Variants in RFX3 observed in about 807,000 individuals in gnomAD.
The protein encoded by RFX3 is regulatory factor X3.
A neutral mutation model predicts 98.6 loss-of-function variants in RFX3; 14 were observed. The observed-to-expected ratio is 0.14, with a 90% CI of 0.09 to 0.22. RFX3 has a LOEUF of 0.22. Ranked by LOEUF, RFX3 falls within the 10% of genes least tolerant of loss-of-function variation. RFX3 has a pLI of 1.00. For synonymous variants in RFX3, 383 were observed against 328.4 expected (o/e 1.17, Z -1.80); for missense variants, 639 against 926.9 (o/e 0.69, Z 4.03).
At chr9:3,449,344 G>A (rs1007807553) in intron 1 of RFX3, among the ~76,000 whole-genome samples, 2 of 152,124 alleles carry the variant, frequency 1.3e-5, no homozygotes, top group Non-Finnish European at 2.9e-5. Context: ...TCATCCCAGA[G>A]CTCTTGGAGC....
At chr9:3,430,858 T>C (rs1450592031) in intron 1 of RFX3, among the ~76,000 whole-genome samples, 2 of 152,152 alleles carry the variant, frequency 1.3e-5, no homozygotes, top group African/African-American at 2.4e-5. Context: ...TGAAGGTATG[T>C]CATGATGCAT....
chr9:3,378,377 A>C (rs78711187), intron 2 of RFX3, among the ~76,000 whole-genome samples: 6,411 of 152,176 alleles, frequency 0.042, 472 homozygotes, highest in African/African-American at 0.15. Context: ...TAATCCATTA[A>C]TCCACCTTGC....
At chr9:3,329,578 T>C (rs1832354067) in intron 4 of RFX3, among the ~76,000 whole-genome samples, 1 of 152,160 alleles carries the variant, frequency 6.6e-6, no homozygotes, top group Admixed American at 6.5e-5. Context: ...TAATGCTTTC[T>C]AAAGTATCTC....
chr9:3,405,673 T>A (rs1256250397), intron 1 of RFX3, among the ~76,000 whole-genome samples: 1 of 152,184 alleles, frequency 6.6e-6, no homozygotes, highest in Non-Finnish European at 1.5e-5. Flanking sequence ...TTTCTTTTTT[T>A]CTCTCATCTT....
chr9:3,431,947 A>G (rs979810110), intron 1 of RFX3, among the ~76,000 whole-genome samples: 2 of 152,160 alleles, frequency 1.3e-5, no homozygotes. Context: ...TTAAGGGAGG[A>G]AGCAGCAGAC....
At chr9:3,329,915 C>G (rs1432285909) in intron 4 of RFX3, among the ~76,000 whole-genome samples, 1 of 152,042 alleles carries the variant, frequency 6.6e-6, no homozygotes, top group African/African-American at 2.4e-5. Context: ...TGGCTTTTAT[C>G]TCATAAAGTA....
At chr9:3,259,301 T>A (rs769696085) in intron 13 of RFX3, among the ~76,000 whole-genome samples, 1 of 152,018 alleles carries the variant, frequency 6.6e-6, no homozygotes, top group Non-Finnish European at 1.5e-5. Flanking sequence ...AAGATGATAA[T>A]CTAAAACCTA....
intron 13 of RFX3, 77 bp from the exon 14 acceptor site, chr9:3,257,276 T>A (rs1256012764): frequency 6.0e-6 from 7 of 1,160,026 alleles, no homozygotes; most frequent in African/African-American, 1.6e-5. Context: ...ACACACTAGA[T>A]GCAAGAACAG....
chr9:3,228,722 T>C, intron 16 of RFX3, 125 bp downstream of exon 16: 1 of 687,522 alleles, frequency 1.5e-6, no homozygotes, highest in South Asian at 2.7e-5. Flanking sequence ...GAGTTTCCTA[T>C]TTATCTAGGA....
At chr9:3,379,396 C>T (rs1174978888) in intron 2 of RFX3, among the ~76,000 whole-genome samples, 2 of 152,010 alleles carry the variant, frequency 1.3e-5, no homozygotes. Flanking sequence ...AGTGTGGGAC[C>T]AACTAGTACA....
intron 2 of RFX3, among the ~76,000 whole-genome samples, chr9:3,388,759 T>A (rs750370426): frequency 4.6e-5 from 7 of 152,036 alleles, no homozygotes; most frequent in Non-Finnish European, 7.4e-5. Context: ...CATAAAAAAA[T>A]TTCAGCAAAA....
In RFX3 at chr9:3,271,561, C is replaced by T. The variant is rs12377574; in HGVS notation, c.1087-443G>A. 3.0e-4 allele frequency among the ~76,000 whole-genome samples: 32 copies of T among 105,740 alleles called. No homozygotes were observed. In the South Asian group the frequency reaches 9.8e-3, roughly 32 times the overall value. 69.4% of individuals were successfully genotyped at this position (105,740 alleles called of 152,430 possible). On this transcript the variant is annotated intron_variant, in intron 9 of 16. Coordinates refer to ENST00000617270, the MANE Select transcript of RFX3 (RefSeq NM_001282116.2). ...TCTTTCTCTTTCTCTCTTTCTCTCT[C>T]TCTTTCTTTCTTTCTTTCCTTTACC...
intron 2 of RFX3, among the ~76,000 whole-genome samples, chr9:3,389,265 T>C (rs1039367625): frequency 2.0e-5 from 3 of 152,072 alleles, no homozygotes; most frequent in Non-Finnish European, 4.4e-5. Context: ...GGTTGAGGCA[T>C]AAAATGAAAA....
rs1817554413 is a variant in RFX3, at chr9:3,224,472, T to C, written c.*570A>G. 6.6e-6 allele frequency: 1 copy of C among 152,500 alleles called. No homozygotes were observed. Among genetic ancestry groups the C allele is most frequent in the African/African-American group, 2.4e-5 (1 of 41,438 alleles). 9.4% of individuals were successfully genotyped at this position (152,500 alleles called of 1,614,324 possible). On this transcript the variant is annotated 3_prime_UTR_variant, in exon 17 of 17. Transcript: ENST00000617270. Reference sequence around the variant, plus strand: ...TTCCTCAGAGAAAAATAGATGACCTTCCAAACCCTCTAGCACTATAATAAA... The same window carrying C: ...TTCCTCAGAGAAAAATAGATGACCTCCCAAACCCTCTAGCACTATAATAAA...
At chr9:3,420,501 A>AT (rs1843351954) in intron 1 of RFX3, among the ~76,000 whole-genome samples, 1 of 152,166 alleles carries the variant, frequency 6.6e-6, no homozygotes, top group Non-Finnish European at 1.5e-5. Flanking sequence ...TAGTATAGAT[A>AT]TTTTTTATTA....
At chr9:3,350,968 A>G (rs909258878) in intron 2 of RFX3, among the ~76,000 whole-genome samples, 5 of 152,090 alleles carry the variant, frequency 3.3e-5, no homozygotes, top group African/African-American at 1.2e-4. Context: ...CAGGGCCCAT[A>G]GGATTTGTAG....
intron 1 of RFX3, among the ~76,000 whole-genome samples, chr9:3,421,539 C>G (rs1253411201): frequency 6.6e-6 from 1 of 152,192 alleles, no homozygotes; most frequent in Non-Finnish European, 1.5e-5. Context: ...AATACTCTAT[C>G]TAGTCCTTAT....
chr9:3,383,424 C>T (rs77967383), intron 2 of RFX3, among the ~76,000 whole-genome samples: 1 of 151,998 alleles, frequency 6.6e-6, no homozygotes, highest in African/African-American at 2.4e-5. Flanking sequence ...ATGTTTAGTA[C>T]AGCTGTCAGA....
chr9:3,471,849 T>C (rs992932708), intron 1 of RFX3, among the ~76,000 whole-genome samples: 1 of 152,246 alleles, frequency 6.6e-6, no homozygotes, highest in Non-Finnish European at 1.5e-5. Flanking sequence ...TTCTTCAGAA[T>C]CTTTCTACCA....
Sources: gnomAD v4.1 joint callset for allele counts (sites outside exome capture counted in the v4.1 genomes callset) on GRCh38, gnomAD v4.1.1 for gene constraint, MANE v1.5 for transcripts, NCBI Gene and HGNC (gene_info 2026-07-23, HGNC 2026-07-21) for gene names.